SLX4IP: variants seen among roughly 807,000 people sequenced by gnomAD.
SLX4IP encodes SLX4 interacting protein.
SLX4IP carries 34 observed loss-of-function variants against 32.9 expected under a neutral mutation model. The observed-to-expected ratio is 1.03, with a 90% CI of 0.79 to 1.38. The LOEUF is 1.38. Among genes scored for constraint, SLX4IP ranks in the 40% most tolerant of loss-of-function variants. SLX4IP has a pLI of 0.00. For synonymous variants in SLX4IP, 172 were observed against 171.7 expected (o/e 1.00, Z -0.01); for missense variants, 444 against 479.0 (o/e 0.93, Z 0.68).
At chr20:10,571,217 C>T (rs555817794) in intron 4 of SLX4IP, among the ~76,000 whole-genome samples, 2 of 152,256 alleles carry the variant, frequency 1.3e-5, no homozygotes, top group African/African-American at 2.4e-5. Context: ...GTTCGGGCAC[C>T]GAGCAGTCTG....
At chr20:10,453,385 C>T (rs1229946499) in intron 1 of SLX4IP, among the ~76,000 whole-genome samples, 4 of 151,752 alleles carry the variant, frequency 2.6e-5, no homozygotes, top group South Asian at 4.2e-4. Context: ...TCTGCACCTG[C>T]GCTTCTCCTG....
At chr20:10,510,039 C>T (rs2065793085) in intron 2 of SLX4IP, among the ~76,000 whole-genome samples, 1 of 152,036 alleles carries the variant, frequency 6.6e-6, no homozygotes, top group South Asian at 2.1e-4. Context: ...ATTCTGTGTA[C>T]AGAATTTTAA....
intron 3 of SLX4IP, among the ~76,000 whole-genome samples, chr20:10,556,602 A>G (rs537179601): frequency 6.6e-6 from 1 of 152,236 alleles, no homozygotes; most frequent in African/African-American, 2.4e-5. Context: ...AAAAGAGGAG[A>G]AGAAGAAGAA....
intron 2 of SLX4IP, among the ~76,000 whole-genome samples, chr20:10,518,930 A>G (rs772162540): frequency 1.3e-5 from 2 of 152,162 alleles, no homozygotes; most frequent in Non-Finnish European, 2.9e-5. Context: ...AATGCTGGCC[A>G]CAGAAAGGTA....
chr20:10,594,711 C>T (rs1568760665), intron 4 of SLX4IP, among the ~76,000 whole-genome samples: 2 of 152,180 alleles, frequency 1.3e-5, no homozygotes, highest in Non-Finnish European at 2.9e-5. Flanking sequence ...CCTTGCTAAG[C>T]CAGGATGGAA....
chr20:10,589,059 C>G (rs901441938), intron 4 of SLX4IP, among the ~76,000 whole-genome samples: 1 of 152,090 alleles, frequency 6.6e-6, no homozygotes, highest in Non-Finnish European at 1.5e-5. Flanking sequence ...ATGTATACAA[C>G]TTTTATTTAT....
chr20:10,533,286 C>T (rs1383107721), intron 2 of SLX4IP, among the ~76,000 whole-genome samples: 1 of 152,120 alleles, frequency 6.6e-6, no homozygotes, highest in Non-Finnish European at 1.5e-5. Context: ...GTCTGATCAT[C>T]TTATATGAAA....
chr20:10,524,740 C>T (rs1233863464), intron 2 of SLX4IP, among the ~76,000 whole-genome samples: 1 of 152,152 alleles, frequency 6.6e-6, no homozygotes, highest in Admixed American at 6.5e-5. Flanking sequence ...CAGTTACCTG[C>T]CATTTGATCT....
At chr20:10,482,510 C>T (rs552117038) in intron 2 of SLX4IP, among the ~76,000 whole-genome samples, 2 of 152,146 alleles carry the variant, frequency 1.3e-5, no homozygotes, top group South Asian at 2.1e-4. Flanking sequence ...AAAGAATGGT[C>T]CCTGGAGGAA....
At chr20:10,487,016 G>A (rs1036919113) in intron 2 of SLX4IP, among the ~76,000 whole-genome samples, 42 of 151,738 alleles carry the variant, frequency 2.8e-4, no homozygotes, top group Middle Eastern at 3.4e-3. Flanking sequence ...TTTTTTGGGC[G>A]TTCACATCTC....
At chr20:10,612,179 A>G (rs2066974678) in intron 6 of SLX4IP, among the ~76,000 whole-genome samples, 1 of 152,210 alleles carries the variant, frequency 6.6e-6, no homozygotes, top group South Asian at 2.1e-4. Flanking sequence ...TGGTTTGTGA[A>G]GGCATCACAT....
At chr20:10,545,784 C>G (rs2066157107) in intron 2 of SLX4IP, among the ~76,000 whole-genome samples, 1 of 152,144 alleles carries the variant, frequency 6.6e-6, no homozygotes, top group South Asian at 2.1e-4. Flanking sequence ...TGCTACCTGT[C>G]TTTCCTCTTC....
chr20:10,561,581 G>C (rs545119364), intron 4 of SLX4IP, among the ~76,000 whole-genome samples: 3 of 140,754 alleles, frequency 2.1e-5, no homozygotes, highest in Non-Finnish European at 4.6e-5. Flanking sequence ...AAGTTCTTAA[G>C]TGGTGATTTG....
Position 10,623,296 on chromosome 20 carries a change from G to C in SLX4IP, c.1144G>C (p.Gly382Arg). The change falls in exon 8 of 8, where the codon GGC (glycine) becomes CGC (arginine). Residue 382 changes from glycine (G) to arginine (R), a missense_variant. Gly to Arg is a moderately radical substitution (Grantham distance 125, BLOSUM62 -2). Coordinates refer to ENST00000334534, the MANE Select transcript of SLX4IP (RefSeq NM_001009608.3). ...TAACCCAGGGCAGGCACAGCAAACC[G>C]GCTTAGCCACAAACACTGAAAGATT... is the stretch of plus-strand genomic sequence containing the variant. ...KNNPGQAQQTGLATNTERLST... is the reference protein window; with the variant it reads ...KNNPGQAQQTRLATNTERLST... 1 of 1,614,086 alleles carries C rather than the reference G, an allele frequency of 6.2e-7. No individual in the cohort carries two copies. The highest frequency in any genetic ancestry group is 8.5e-7 in the Non-Finnish European group (1 of 1,180,038).
intron 6 of SLX4IP, among the ~76,000 whole-genome samples, chr20:10,606,783 G>A (rs909802200): frequency 2.0e-5 from 3 of 152,106 alleles, no homozygotes; most frequent in African/African-American, 7.2e-5. Flanking sequence ...ACTGAGGTCC[G>A]TGTGTATGTA....
At chr20:10,573,764 A>G (rs1779898210) in intron 4 of SLX4IP, among the ~76,000 whole-genome samples, 1 of 152,234 alleles carries the variant, frequency 6.6e-6, no homozygotes, top group African/African-American at 2.4e-5. Context: ...GATCTCTCAT[A>G]AAGCACTGTG....
intron 2 of SLX4IP, among the ~76,000 whole-genome samples, chr20:10,472,904 T>C (rs149312184): frequency 1.7e-4 from 26 of 152,300 alleles, no homozygotes; most frequent in African/African-American, 5.1e-4. Flanking sequence ...ATAAAAATGT[T>C]TAGGTGTTTA....
chr20:10,505,063 A>G (rs917937039), intron 2 of SLX4IP, among the ~76,000 whole-genome samples: 10 of 152,240 alleles, frequency 6.6e-5, no homozygotes, highest in African/African-American at 2.2e-4. Context: ...TCGTGTTGCA[A>G]CATGAACCTG....
rs915839934 is a variant in SLX4IP at position 10,521,752 on chromosome 20, C to T, written c.28-34479C>T. On this transcript the variant is annotated intron_variant, in intron 2 of 7. Coordinates refer to ENST00000334534, the MANE Select transcript of SLX4IP (RefSeq NM_001009608.3). ...CCCCAGCTCCTTCCTCACCACATCT[C>T]TCTTCCTTCAGAGGCTGCTTCTCTT... 2.0e-5 allele frequency among the ~76,000 whole-genome samples: 3 copies of T among 152,202 alleles called. No individual in the cohort carries two copies. The South Asian group carries it at 6.2e-4, about 32-fold the overall frequency.
Sources: gnomAD v4.1 joint callset for allele counts (sites outside exome capture counted in the v4.1 genomes callset) on GRCh38, gnomAD v4.1.1 for gene constraint, MANE v1.5 for transcripts, NCBI Gene and HGNC (gene_info 2026-07-23, HGNC 2026-07-21) for gene names.